The following ZNF280D variants were observed in gnomAD, a reference collection of about 807,000 sequenced individuals.
The protein encoded by ZNF280D is suppressor of hairy wing homolog 4.
ZNF280D carries 39 observed loss-of-function variants against 94.7 expected under a neutral mutation model. That is an observed-to-expected ratio of 0.41 (90% CI 0.32 to 0.54). The LOEUF (loss-of-function observed/expected upper bound fraction) is 0.54. ZNF280D is among the 20% of genes least tolerant of loss of function. The pLI, the probability that ZNF280D is intolerant of heterozygous loss-of-function variation, is 0.22. For missense variants in ZNF280D, 1,090 were observed against 1,149.3 expected, an observed-to-expected ratio of 0.95 and a Z score of 0.75; for synonymous variants, 398 against 377.6, an observed-to-expected ratio of 1.05 and a Z score of -0.63.
At chr15:56,718,150 A>G (rs2058145281) in intron 1 of ZNF280D, among the ~76,000 whole-genome samples, 1 of 152,176 alleles carries the variant, frequency 6.6e-6, no homozygotes, top group African/African-American at 2.4e-5. Flanking sequence ...ATGTTGAATT[A>G]TGAAACTTCA....
chr15:56,704,420 G>A (rs888986596), intron 3 of ZNF280D, among the ~76,000 whole-genome samples, 153 bp from the exon 4 acceptor site: 14 of 152,142 alleles, frequency 9.2e-5, no homozygotes, highest in Admixed American at 4.6e-4. Context: ...TAACAACAGT[G>A]AGAAATACAG....
chr15:56,662,445 G>A (rs1738273017), intron 16 of ZNF280D, among the ~76,000 whole-genome samples: 1 of 152,032 alleles, frequency 6.6e-6, no homozygotes, highest in Admixed American at 6.5e-5. Flanking sequence ...ACTATCACCT[G>A]CAGTTTGTAA....
At chr15:56,680,904 A>C (rs1367715517) in intron 10 of ZNF280D, among the ~76,000 whole-genome samples, 1 of 152,196 alleles carries the variant, frequency 6.6e-6, no homozygotes, top group Admixed American at 6.5e-5. Flanking sequence ...TCTGCATTTT[A>C]CCATATTTAC....
At chr15:56,693,540 G>T (rs145581580) in intron 6 of ZNF280D, among the ~76,000 whole-genome samples, 8 of 151,708 alleles carry the variant, frequency 5.3e-5, no homozygotes, top group African/African-American at 1.9e-4. Context: ...CAAGGTAAAA[G>T]AAACATAAAT....
chr15:56,707,050 A>G, intron 3 of ZNF280D, 32 bp downstream of exon 3: 1 of 1,602,580 alleles, frequency 6.2e-7, no homozygotes, highest in Non-Finnish European at 8.5e-7. Flanking sequence ...AAAGCCACAT[A>G]TATTAGTATT....
intron 4 of ZNF280D, 69 bp from the exon 5 acceptor site, chr15:56,701,307 ATGAAT>A: frequency 9.1e-7 from 1 of 1,104,732 alleles, no homozygotes; most frequent in Non-Finnish European, 1.3e-6. Context: ...AATAGAAATC[ATGAAT>A]TGAAAACATT....
chr15:56,653,385 G>C, intron 19 of ZNF280D: 3 of 1,309,978 alleles, frequency 2.3e-6, no homozygotes, highest in Non-Finnish European at 2.9e-6. Context: ...GCCATCTCTG[G>C]CCAAACAACA....
intron 1 of ZNF280D, among the ~76,000 whole-genome samples, chr15:56,718,226 C>G (rs118120580): frequency 6.6e-6 from 1 of 152,138 alleles, no homozygotes; most frequent in Non-Finnish European, 1.5e-5. Flanking sequence ...TAAGACCCTT[C>G]AAGTACAATA....
intron 7 of ZNF280D, among the ~76,000 whole-genome samples, chr15:56,690,164 C>G (rs1330831496): frequency 1.3e-5 from 2 of 152,074 alleles, no homozygotes; most frequent in African/African-American, 4.8e-5. Context: ...AGACAGATCA[C>G]GAGGTCAGGA....
At chr15:56,687,131 T>C (rs1334051691) in intron 9 of ZNF280D, among the ~76,000 whole-genome samples, 3 of 152,132 alleles carry the variant, frequency 2.0e-5, no homozygotes, top group Admixed American at 6.5e-5. Context: ...AAACTTTCCC[T>C]TCCTAGATTT....
intron 9 of ZNF280D, among the ~76,000 whole-genome samples, chr15:56,684,286 C>T (rs1379563705): frequency 6.6e-6 from 1 of 152,154 alleles, no homozygotes; most frequent in African/African-American, 2.4e-5. Context: ...ACACTATAGG[C>T]ACTCACATCT....
At position 56,631,571 on chromosome 15, in the gene ZNF280D, T is replaced by C. The variant is rs2052073975; in HGVS notation, c.2867A>G (p.Asp956Gly). 1 of 1,613,998 alleles carries C rather than the reference T, an allele frequency of 6.2e-7. No homozygotes were observed. Among genetic ancestry groups the C allele is most frequent in the South Asian group, 1.1e-5 (1 of 91,088 alleles). Residue 956 changes from aspartate (D) to glycine (G), a missense_variant, in exon 22 of 22, where the codon GAC (aspartate) becomes GGC (glycine). Transcript: ENST00000267807. ...GCTAGGGTTATTTCCTCCAGGAATG[T>C]CATCTGTTTGATCAGACACTACTTC... The part of the protein sequence containing the change: ...TDEVVSDQTD[D>G]IPGGNNPSTT...
At chr15:56,658,567 TAA>T in intron 16 of ZNF280D, 81 bp from the exon 17 acceptor site, 2 of 963,406 alleles carry the variant, frequency 2.1e-6, no homozygotes, top group Non-Finnish European at 3.0e-6. Context: ...AGTCCATACT[TAA>T]GTTTCTAGTT....
At chr15:56,654,297 T>A in intron 18 of ZNF280D, 63 bp from the exon 19 acceptor site, 1 of 1,597,766 alleles carries the variant, frequency 6.3e-7, no homozygotes, top group Middle Eastern at 1.7e-4. Flanking sequence ...GTGAGAATAA[T>A]GATTTAGTAA....
In ZNF280D at chr15:56,682,237, A is replaced by G. The variant is rs765974705; in HGVS notation, c.1004+17T>C. ...CATTTCAATTTTCAATAGAAATAAAAACAAGTATTTACATACCTAATGTTA... is the reference window on the plus strand; with the variant it reads ...CATTTCAATTTTCAATAGAAATAAAGACAAGTATTTACATACCTAATGTTA... On this transcript the variant is annotated intron_variant, in intron 10 of 21. Coordinates refer to ENST00000267807, the MANE Select transcript of ZNF280D (RefSeq NM_017661.4). The G allele has an allele frequency of 6.7e-7, 1 of 1,483,122 alleles. No homozygotes were observed. The highest frequency in any genetic ancestry group is 1.3e-5 in the South Asian group (1 of 79,250). 91.9% of individuals were successfully genotyped at this position (1,483,122 alleles called of 1,614,324 possible).
intron 16 of ZNF280D, among the ~76,000 whole-genome samples, chr15:56,663,181 C>T (rs113029680): frequency 4.0e-4 from 59 of 149,190 alleles, no homozygotes; most frequent in Non-Finnish European, 2.2e-4. Context: ...CTACTCAAGA[C>T]GCTGAGGTGG....
intron 1 of ZNF280D, among the ~76,000 whole-genome samples, chr15:56,708,485 T>G (rs1267918413): frequency 6.6e-6 from 1 of 152,224 alleles, no homozygotes; most frequent in Non-Finnish European, 1.5e-5. Context: ...TTTTTAAGAT[T>G]CACAATTACA....
chr15:56,633,328 T>G (rs1281521456), intron 21 of ZNF280D, among the ~76,000 whole-genome samples: 1 of 152,146 alleles, frequency 6.6e-6, no homozygotes, highest in East Asian at 1.9e-4. Flanking sequence ...CACCCAGTTT[T>G]AACAATTATT....
At chr15:56,682,728 A>G (rs967204256) in intron 9 of ZNF280D, among the ~76,000 whole-genome samples, 24 of 152,048 alleles carry the variant, frequency 1.6e-4, no homozygotes, top group African/African-American at 5.5e-4. Flanking sequence ...ACATGGCCAT[A>G]GCTCTAACAG....
Sources: gnomAD v4.1 joint callset for allele counts (sites outside exome capture counted in the v4.1 genomes callset) on GRCh38, gnomAD v4.1.1 for gene constraint, MANE v1.5 for transcripts, NCBI Gene and HGNC (gene_info 2026-07-23, HGNC 2026-07-21) for gene names.